Variants in PCDHGA2 observed in about 807,000 individuals in gnomAD.
PCDHGA2 encodes the protein protocadherin gamma subfamily A, 2, also known as protocadherin gamma-A2.
In PCDHGA2, 40 loss-of-function variants were observed where a neutral mutation model predicts 59.2. The ratio of observed to expected loss-of-function variants is 0.68; its 90% CI spans 0.52 to 0.88. The LOEUF (loss-of-function observed/expected upper bound fraction) is 0.88, where lower values mean the gene tolerates loss of function less well. PCDHGA2 is among the 40% of genes least tolerant of loss of function. The probability of loss-of-function intolerance (pLI) is 0.00; values close to 1 mark genes in which losing one functional copy is unlikely to be tolerated. For synonymous variants in PCDHGA2, 560 were observed against 526.0 expected (o/e 1.06, Z -0.89); for missense variants, 1,226 against 1,204.0 (o/e 1.02, Z -0.27).
Position 141,427,790 on chromosome 5 carries a change from C to T in PCDHGA2, c.2425-67017C>T, listed in dbSNP as rs1212280689. ...TGGAGCTGCGGGCACTGTCGTCCTACGTGTCCGTGAGCGCACAGAGCGGGG... is the reference window on the plus strand; with the variant it reads ...TGGAGCTGCGGGCACTGTCGTCCTATGTGTCCGTGAGCGCACAGAGCGGGG... On this transcript the variant is annotated intron_variant, in intron 1 of 3. Transcript: ENST00000394576. 2.0e-6 allele frequency: 3 copies of T among 1,482,108 alleles called. No homozygotes were observed. The Admixed American group carries it at 5.0e-5, about 25-fold the overall frequency. 91.8% of individuals were successfully genotyped at this position (1,482,108 alleles called of 1,614,324 possible).
chr5:141,479,342 G>A (rs926832955), intron 1 of PCDHGA2: 1 of 152,486 alleles, frequency 6.6e-6, no homozygotes, highest in Admixed American at 6.5e-5. Flanking sequence ...TGCACCTGTA[G>A]TTCTTGCTGC....
rs755863653 is a variant in PCDHGA2 at position 141,422,228 on chromosome 5, TG to T, written c.2425-72578del. 2.3e-5 allele frequency: 36 copies of T among 1,565,448 alleles called. No individual in the cohort carries two copies. The Middle Eastern group carries it at 8.6e-4, about 37-fold the overall frequency. ...GGAGGTCTCTTTACCACCACGACGA[TG>T]TTGATCACTGTTGTGGATGTGAATG... On this transcript the variant is annotated intron_variant, in intron 1 of 3. Transcript: ENST00000394576.
chr5:141,381,798 CTCTTTCTTTCTT>C (rs372235829), intron 1 of PCDHGA2, among the ~76,000 whole-genome samples: 1 of 144,134 alleles, frequency 6.9e-6, no homozygotes, highest in Non-Finnish European at 1.5e-5. Flanking sequence ...AGGCAATTCC[CTCTTTCTTTCTT>C]TCTTTCTTTC....
chr5:141,351,559 C>G, intron 1 of PCDHGA2: 1 of 1,614,050 alleles, frequency 6.2e-7, no homozygotes, highest in Non-Finnish European at 8.5e-7. Context: ...CCAGGACAAG[C>G]ATCACCCTGC....
At chr5:141,392,930 G>A (rs568235859) in intron 1 of PCDHGA2, 2 of 1,613,790 alleles carry the variant, frequency 1.2e-6, no homozygotes, top group Non-Finnish European at 1.7e-6. Flanking sequence ...CAGAAGAGAC[G>A]GACAAAGGCT....
chr5:141,387,779 G>T, intron 1 of PCDHGA2: 1 of 1,458,032 alleles, frequency 6.9e-7, no homozygotes, highest in Admixed American at 2.6e-5. Flanking sequence ...TTCTTGAACT[G>T]GAACTGCAAC....
At chr5:141,375,575 G>A (rs1209081341) in intron 1 of PCDHGA2, 1 of 1,613,960 alleles carries the variant, frequency 6.2e-7, no homozygotes, top group East Asian at 2.2e-5. Context: ...CACCCTCCAG[G>A]GGGCGCCCCT....
rs1588712478 is a variant in PCDHGA2 at position 141,372,895 on chromosome 5, T to G, written c.2424+31500T>G. On this transcript the variant is annotated intron_variant, in intron 1 of 3. Transcript: ENST00000394576. ...AGATAAAAAGAATACAGATTAAATA[T>G]TCCCTGATTACATTATTTTATTGAT... 5 of 1,115,450 alleles carry G rather than the reference T, an allele frequency of 4.5e-6. No individual in the cohort carries two copies. The East Asian group carries it at 1.3e-4, about 29-fold the overall frequency. The allele number at this position is 1,115,450 out of a possible 1,614,324, so 69.1% of individuals were successfully genotyped here.
At chr5:141,403,646 G>A in intron 1 of PCDHGA2, 1 of 1,613,950 alleles carries the variant, frequency 6.2e-7, no homozygotes, top group Non-Finnish European at 8.5e-7. Context: ...CCATGTGACA[G>A]TGTTGGATAC....
chr5:141,445,025 C>T (rs2154560886), intron 1 of PCDHGA2, among the ~76,000 whole-genome samples: 2 of 152,200 alleles, frequency 1.3e-5, no homozygotes, highest in Middle Eastern at 6.8e-3. Flanking sequence ...TTTCTCTCAG[C>T]TATGTTGTAT....
intron 1 of PCDHGA2, chr5:141,388,752 T>C: frequency 6.2e-7 from 1 of 1,614,002 alleles, no homozygotes; most frequent in East Asian, 2.2e-5. Context: ...GATCACCCAA[T>C]TTGACCTGAA....
chr5:141,356,893 C>T, intron 1 of PCDHGA2: 1 of 1,614,200 alleles, frequency 6.2e-7, no homozygotes, highest in Non-Finnish European at 8.5e-7. Context: ...GATCCTGTAC[C>T]CCACCTTCCC....
chr5:141,424,203 GC>G (rs777832241), intron 1 of PCDHGA2: 3 of 175,740 alleles, frequency 1.7e-5, no homozygotes, highest in Non-Finnish European at 3.6e-5. Flanking sequence ...ATACACGTAA[GC>G]TTTTCTCTGA....
rs779462820 is a variant in PCDHGA2, at chr5:141,374,112, G to A, written c.2424+32717G>A. ...GCGCCTCCGCAGAGGCATCCGCAGC[G>A]CAGCGAGCAGGTCCTGCTCCTCACG... On this transcript the variant is annotated intron_variant, in intron 1 of 3. Coordinates refer to ENST00000394576, the MANE Select transcript of PCDHGA2 (RefSeq NM_018915.4). The A allele has an allele frequency of 5.1e-6, 8 of 1,578,426 alleles. No homozygotes were observed. The African/African-American group carries it at 9.5e-5, about 19-fold the overall frequency.
Position 141,432,169 on chromosome 5 carries a change from C to T in PCDHGA2, c.2425-62638C>T. On this transcript the variant is annotated intron_variant, in intron 1 of 3. Transcript: ENST00000394576. The surrounding 1 kb of genome is among the most constrained non-coding windows in gnomAD (Gnocchi z 6.0). ...CAGAGAACAATCCCAGAGGAGTTTCCCTCGTCTCTGTGACCGCCCACGACC... is the reference window on the plus strand; with the variant it reads ...CAGAGAACAATCCCAGAGGAGTTTCTCTCGTCTCTGTGACCGCCCACGACC... The T allele has an allele frequency of 6.2e-7, 1 of 1,614,204 alleles. No homozygotes were observed. The highest frequency in any genetic ancestry group is 1.6e-4 in the Middle Eastern group (1 of 6,062).
Position 141,365,100 on chromosome 5 carries a change from T to C in PCDHGA2, c.2424+23705T>C, listed in dbSNP as rs1763736772. The C allele has an allele frequency of 3.1e-6, 5 of 1,613,846 alleles. No homozygotes were observed. The East Asian group carries it at 1.1e-4, about 36-fold the overall frequency. Reference sequence around the variant, plus strand: ...GTGAGTGTTCCAGAGAACATACCTGTGGGCACTCGGCTGCTCATGCTAACC... The same window carrying C: ...GTGAGTGTTCCAGAGAACATACCTGCGGGCACTCGGCTGCTCATGCTAACC... On this transcript the variant is annotated intron_variant, in intron 1 of 3. Coordinates refer to ENST00000394576, the MANE Select transcript of PCDHGA2 (RefSeq NM_018915.4).
intron 1 of PCDHGA2, chr5:141,384,916 G>T (rs1215010105): frequency 1.2e-6 from 2 of 1,613,886 alleles, no homozygotes; most frequent in Non-Finnish European, 1.7e-6. Flanking sequence ...CGAAGTCTTG[G>T]CCGACCTGGG....
At chr5:141,357,493 A>G in intron 1 of PCDHGA2, 1 of 1,614,200 alleles carries the variant, frequency 6.2e-7, no homozygotes, top group Non-Finnish European at 8.5e-7. Flanking sequence ...GGACTCGCGG[A>G]AGAGTCACCT....
chr5:141,346,076 C>G (rs968869556), intron 1 of PCDHGA2: 12 of 1,613,518 alleles, frequency 7.4e-6, no homozygotes, highest in Non-Finnish European at 1.0e-5. Flanking sequence ...TCGAGCCCTC[C>G]GCCAAACCCA....
Sources: allele counts gnomAD v4.1 joint callset (sites outside exome capture counted in the v4.1 genomes callset), GRCh38; gene constraint gnomAD v4.1.1; non-coding constraint Gnocchi (gnomAD v3.1); transcripts MANE v1.5; gene names NCBI Gene and HGNC (gene_info 2026-07-23, HGNC 2026-07-21).